The following CLNK variants were observed in gnomAD, a reference collection of about 807,000 sequenced individuals.
CLNK encodes cytokine-dependent hematopoietic cell linker.
A neutral mutation model predicts 68.6 loss-of-function variants in CLNK; 74 were observed. The ratio of observed to expected loss-of-function variants is 1.08; its 90% CI spans 0.89 to 1.31. The LOEUF is 1.31. Ranked by LOEUF, CLNK falls within the 50% of genes most tolerant of loss-of-function variation. The pLI is 0.00. For synonymous variants in CLNK, 198 were observed against 172.2 expected, an observed-to-expected ratio of 1.15 and a Z score of -1.17; for missense variants, 553 against 515.3, an observed-to-expected ratio of 1.07 and a Z score of -0.71.
intron 2 of CLNK, among the ~76,000 whole-genome samples, chr4:10,618,200 G>T (rs1722305037): frequency 6.6e-6 from 1 of 152,268 alleles, no homozygotes; most frequent in East Asian, 1.9e-4. Flanking sequence ...AATAAAAATG[G>T]ATAAACTGTT....
chr4:10,724,554 C>T, the CLNK span, among the ~76,000 whole-genome samples: 2 of 151,486 alleles, frequency 1.3e-5, no homozygotes, highest in African/African-American at 4.9e-5. Context: ...TTGTCCACTG[C>T]TGTATGGTAA....
intron 17 of CLNK, among the ~76,000 whole-genome samples, chr4:10,504,393 T>A (rs1428152314): frequency 1.3e-5 from 2 of 152,166 alleles, no homozygotes; most frequent in Non-Finnish European, 2.9e-5. Context: ...GTGCTGGGAT[T>A]ACAGGCGTGA....
intron 2 of CLNK, among the ~76,000 whole-genome samples, chr4:10,604,305 G>T (rs992222536): frequency 2.0e-5 from 3 of 152,198 alleles, no homozygotes; most frequent in Non-Finnish European, 2.9e-5. Context: ...AAGAGGCAAA[G>T]CTGCAGTTCT....
At chr4:10,706,240 G>A in the CLNK span, among the ~76,000 whole-genome samples, 1 of 152,146 alleles carries the variant, frequency 6.6e-6, no homozygotes, top group Non-Finnish European at 1.5e-5. Context: ...CACCTCCTTT[G>A]TTCTTCTCAG....
intron 2 of CLNK, among the ~76,000 whole-genome samples, chr4:10,647,849 T>C (rs1261862094): frequency 6.6e-6 from 1 of 152,184 alleles, no homozygotes; most frequent in Non-Finnish European, 1.5e-5. Flanking sequence ...ATAGATATAT[T>C]ATGCCCTAAG....
intron 1 of CLNK, among the ~76,000 whole-genome samples, chr4:10,683,715 C>T (rs1033008026): frequency 6.6e-5 from 10 of 152,156 alleles, no homozygotes; most frequent in Admixed American, 3.3e-4. Context: ...ATTTCTGAAG[C>T]GCTGTCATTT....
At chr4:10,512,769 CAGTGAA>C (rs1003606726) in intron 16 of CLNK, among the ~76,000 whole-genome samples, 1 of 151,338 alleles carries the variant, frequency 6.6e-6, no homozygotes, top group African/African-American at 2.4e-5. Context: ...TGGGGCTTTA[CAGTGAA>C]AGACTTTAGT....
intron 4 of CLNK, among the ~76,000 whole-genome samples, chr4:10,576,797 G>A (rs1214554518): frequency 1.3e-5 from 2 of 152,234 alleles, no homozygotes; most frequent in South Asian, 2.1e-4. Flanking sequence ...TCACCTTGAA[G>A]TTTTAGAACC....
At chr4:10,636,824 C>T (rs1723112003) in intron 2 of CLNK, among the ~76,000 whole-genome samples, 1 of 152,204 alleles carries the variant, frequency 6.6e-6, no homozygotes, top group Non-Finnish European at 1.5e-5. Flanking sequence ...CCACTTTGTC[C>T]TTCCCACCAA....
At chr4:10,548,372 T>C (rs751184131) in intron 8 of CLNK, among the ~76,000 whole-genome samples, 7 of 152,220 alleles carry the variant, frequency 4.6e-5, no homozygotes, top group Non-Finnish European at 8.8e-5. Flanking sequence ...AGCTCTTCAG[T>C]TGTATCAGTT....
At chr4:10,629,903 A>C (rs538030416) in intron 2 of CLNK, among the ~76,000 whole-genome samples, 59 of 152,286 alleles carry the variant, frequency 3.9e-4, no homozygotes, top group African/African-American at 1.3e-3. Context: ...AGGCTTCAGA[A>C]ATATCCCATA....
intron 2 of CLNK, among the ~76,000 whole-genome samples, chr4:10,606,304 A>G (rs749281008): frequency 3.9e-5 from 6 of 152,162 alleles, no homozygotes; most frequent in Non-Finnish European, 5.9e-5. Flanking sequence ...CTGCCGCCCC[A>G]ACACCTTGTC....
chr4:10,527,029 A>G (rs1718348476), intron 13 of CLNK, among the ~76,000 whole-genome samples: 1 of 152,188 alleles, frequency 6.6e-6, no homozygotes, highest in African/African-American at 2.4e-5. Context: ...TGATCGAAGG[A>G]CCGTGATTAC....
chr4:10,502,286 T>C (rs917876301), intron 17 of CLNK, among the ~76,000 whole-genome samples: 1 of 152,136 alleles, frequency 6.6e-6, no homozygotes, highest in African/African-American at 2.4e-5. Context: ...GCTTGGACCT[T>C]CTCACATGGC....
At chr4:10,667,582 G>C (rs950362747) in intron 2 of CLNK, among the ~76,000 whole-genome samples, 3 of 151,994 alleles carry the variant, frequency 2.0e-5, no homozygotes, top group African/African-American at 7.3e-5. Context: ...AACTGTCTGG[G>C]TGCCCTTCTA....
chr4:10,559,705 G>T (rs374658738), intron 7 of CLNK, among the ~76,000 whole-genome samples: 17 of 152,132 alleles, frequency 1.1e-4, no homozygotes, highest in African/African-American at 3.6e-4. Context: ...AGGATTCCCC[G>T]GCCCAGGAAT....
chr4:10,519,997 C>T (rs1298384578), intron 15 of CLNK, among the ~76,000 whole-genome samples: 1 of 151,112 alleles, frequency 6.6e-6, no homozygotes. Context: ...ACCTCATCCT[C>T]TCCACAATAC....
the CLNK span, among the ~76,000 whole-genome samples, chr4:10,711,788 T>C: frequency 6.6e-6 from 1 of 152,212 alleles, no homozygotes; most frequent in Admixed American, 6.5e-5. Context: ...AGATTATTTC[T>C]TGTCTTGTCC....
chr4:10,682,143 G>T (rs1175323818), intron 1 of CLNK, among the ~76,000 whole-genome samples: 1 of 151,880 alleles, frequency 6.6e-6, no homozygotes, highest in South Asian at 2.1e-4. Flanking sequence ...ATGTGTGTGT[G>T]TGTGTGTGTG....
Sources: allele counts gnomAD v4.1 joint callset (sites outside exome capture counted in the v4.1 genomes callset), GRCh38; gene constraint gnomAD v4.1.1; transcripts MANE v1.5; gene names NCBI Gene and HGNC (gene_info 2026-07-23, HGNC 2026-07-21).